MAN1A1: variants seen among roughly 807,000 people sequenced by gnomAD.
MAN1A1 encodes mannosidase alpha class 1A member 1, also known as mannosyl-oligosaccharide 1,2-alpha-mannosidase IA.
MAN1A1 carries 29 observed loss-of-function variants against 70.8 expected under a neutral mutation model. That is an observed-to-expected ratio of 0.41 (90% CI 0.31 to 0.56). The LOEUF is 0.56. Ranked by LOEUF, MAN1A1 falls within the 20% of genes least tolerant of loss-of-function variation. The probability of loss-of-function intolerance (pLI) is 0.29; values close to 1 mark genes in which losing one functional copy is unlikely to be tolerated. For synonymous variants in MAN1A1, 349 were observed against 330.1 expected (o/e 1.06, Z -0.62); for missense variants, 747 against 841.3 (o/e 0.89, Z 1.39).
At chr6:119,200,545 A>G (rs1466373699) in intron 8 of MAN1A1, among the ~76,000 whole-genome samples, 2 of 152,236 alleles carry the variant, frequency 1.3e-5, no homozygotes, top group Non-Finnish European at 2.9e-5. Flanking sequence ...TACTCTTGCT[A>G]CAGTTGGGTA....
At chr6:119,248,221 T>G in intron 6 of MAN1A1, 39 bp downstream of exon 6, 1 of 1,348,692 alleles carries the variant, frequency 7.4e-7, no homozygotes. Context: ...TCTGGAATAT[T>G]TCACCTTAAA....
intron 6 of MAN1A1, among the ~76,000 whole-genome samples, chr6:119,232,135 G>A (rs1245347410): frequency 1.3e-5 from 2 of 151,978 alleles, no homozygotes; most frequent in East Asian, 1.9e-4. Context: ...CACTTTGGGA[G>A]GCCGAGGCAG....
chr6:119,284,231 G>A (rs2114404407), intron 5 of MAN1A1, among the ~76,000 whole-genome samples: 1 of 152,262 alleles, frequency 6.6e-6, no homozygotes, highest in South Asian at 2.1e-4. Context: ...TCCAAATAGT[G>A]ATTGTGATCT....
chr6:119,339,725 C>T (rs930970822), intron 2 of MAN1A1, among the ~76,000 whole-genome samples: 1 of 151,994 alleles, frequency 6.6e-6, no homozygotes, highest in Non-Finnish European at 1.5e-5. Flanking sequence ...TTTGATAAGA[C>T]AAATCTCAAA....
At chr6:119,231,856 T>C (rs891755778) in intron 6 of MAN1A1, among the ~76,000 whole-genome samples, 14 of 152,258 alleles carry the variant, frequency 9.2e-5, no homozygotes, top group African/African-American at 3.4e-4. Context: ...ATTCAGGTTC[T>C]ATAATCCTAG....
intron 2 of MAN1A1, among the ~76,000 whole-genome samples, chr6:119,328,994 T>C (rs1027002486): frequency 3.3e-5 from 5 of 152,284 alleles, no homozygotes; most frequent in South Asian, 4.1e-4. Flanking sequence ...TTCAATAAGA[T>C]AAATACAGCA....
At chr6:119,267,166 G>T (rs1449841149) in intron 5 of MAN1A1, among the ~76,000 whole-genome samples, 6 of 152,160 alleles carry the variant, frequency 3.9e-5, no homozygotes, top group Non-Finnish European at 8.8e-5. Context: ...AGATAGTTTG[G>T]AAGACAGTTT....
At chr6:119,252,681 A>G (rs1418685807) in intron 5 of MAN1A1, among the ~76,000 whole-genome samples, 1 of 152,166 alleles carries the variant, frequency 6.6e-6, no homozygotes, top group Non-Finnish European at 1.5e-5. Flanking sequence ...AGTCCCAGAT[A>G]CTTGGGAGGC....
chr6:119,296,098 C>T (rs963492903), intron 4 of MAN1A1, among the ~76,000 whole-genome samples: 1 of 152,146 alleles, frequency 6.6e-6, no homozygotes, highest in Non-Finnish European at 1.5e-5. Context: ...TAAAAGTATA[C>T]AACTCCTTTA....
intron 2 of MAN1A1, chr6:119,332,099 A>G (rs1773333525): frequency 5.2e-6 from 2 of 381,674 alleles, no homozygotes; most frequent in Admixed American, 6.3e-5. Flanking sequence ...ATATGTACAT[A>G]AAGTGGTGAG....
chr6:119,245,055 T>G (rs867170024), intron 6 of MAN1A1, among the ~76,000 whole-genome samples: 1 of 152,098 alleles, frequency 6.6e-6, no homozygotes, highest in East Asian at 1.9e-4. Flanking sequence ...GTTGTTAACA[T>G]AGAGATGTTG....
chr6:119,222,793 T>A (rs922307078), intron 6 of MAN1A1, among the ~76,000 whole-genome samples: 5 of 152,228 alleles, frequency 3.3e-5, no homozygotes, highest in African/African-American at 1.2e-4. Context: ...TCCTGGGCAG[T>A]GTTTGGGAGT....
intron 5 of MAN1A1, among the ~76,000 whole-genome samples, chr6:119,282,165 T>A (rs994011578): frequency 2.0e-5 from 3 of 152,230 alleles, no homozygotes; most frequent in African/African-American, 7.2e-5. Flanking sequence ...GATCAAGGGC[T>A]AGGCCAGCTT....
chr6:119,291,457 TTCCTC>T (rs1293560455), intron 4 of MAN1A1, among the ~76,000 whole-genome samples: 7 of 152,066 alleles, frequency 4.6e-5, no homozygotes, highest in Admixed American at 3.9e-4. Context: ...ATAAAGTTCT[TTCCTC>T]TCTCTTCAAC....
chr6:119,301,999 C>A lies in MAN1A1; in HGVS notation c.805G>T (p.Asp269Tyr), dbSNP rs748472713. The A allele has an allele frequency of 9.7e-6, 15 of 1,552,364 alleles. No homozygotes were observed. The Admixed American group carries it at 1.2e-4, about 12-fold the overall frequency. ...EAKSWVEENL[D>Y]FNVNAEISVF... ...CTTATTTAACTTACCACATTAAAAT[C>A]TAAATTTTCTTCAACCCATGATTTT... The change falls in exon 4 of 13, where the codon GAT becomes TAT. Residue 269 changes from aspartate to tyrosine, a missense_variant. Physicochemically the swap from Asp to Tyr is radical, Grantham distance 160. Around this residue, in one of 2 missense-constraint regions of MAN1A1, gnomAD observed 419 missense variants for 548.2 expected, o/e 0.76. Coordinates refer to ENST00000368468, the MANE Select transcript of MAN1A1 (RefSeq NM_005907.4).
intron 2 of MAN1A1, among the ~76,000 whole-genome samples, chr6:119,347,649 C>T (rs1291735273): frequency 2.6e-5 from 4 of 152,218 alleles, no homozygotes; most frequent in Admixed American, 2.6e-4. Context: ...GCCCTTCGAT[C>T]TTCATCTTGA....
At chr6:119,209,794 A>C (rs1773991701) in intron 6 of MAN1A1, among the ~76,000 whole-genome samples, 1 of 152,168 alleles carries the variant, frequency 6.6e-6, no homozygotes, top group African/African-American at 2.4e-5. Flanking sequence ...GGGGACTGGC[A>C]TTCTAAGACT....
intron 6 of MAN1A1, among the ~76,000 whole-genome samples, chr6:119,205,588 T>G (rs1773837798): frequency 6.6e-6 from 1 of 152,182 alleles, no homozygotes; most frequent in Non-Finnish European, 1.5e-5. Context: ...AAATGCTTTT[T>G]TAAAAAACTA....
chr6:119,291,139 G>T (rs573426134), intron 4 of MAN1A1, among the ~76,000 whole-genome samples: 51 of 152,122 alleles, frequency 3.4e-4, no homozygotes, highest in African/African-American at 1.2e-3. Flanking sequence ...GAATCATGGG[G>T]AGGGGTCTTT....
Sources: allele counts gnomAD v4.1 joint callset (sites outside exome capture counted in the v4.1 genomes callset), GRCh38; gene constraint gnomAD v4.1.1; regional missense constraint gnomAD v4.1.1; transcripts MANE v1.5; gene names NCBI Gene and HGNC (gene_info 2026-07-23, HGNC 2026-07-21).